The following THSD7B variants were observed in gnomAD, a reference collection of about 807,000 sequenced individuals.
THSD7B encodes the protein thrombospondin type 1 domain containing 7B.
In THSD7B, 138 loss-of-function variants were observed where a neutral mutation model predicts 213.6. That is an observed-to-expected ratio of 0.65 (90% confidence interval 0.56 to 0.74). THSD7B has a LOEUF of 0.74. Among genes scored for constraint, THSD7B ranks in the 30% least tolerant of loss-of-function variants. THSD7B has a pLI of 0.00. For synonymous variants in THSD7B, 742 were observed against 687.0 expected, an observed-to-expected ratio of 1.08 and a Z score of -1.25; for missense variants, 1,931 against 1,991.5, an observed-to-expected ratio of 0.97 and a Z score of 0.58.
intron 2 of THSD7B, among the ~76,000 whole-genome samples, chr2:136,893,781 G>A (rs756461002): frequency 2.0e-5 from 3 of 152,116 alleles, no homozygotes; most frequent in Admixed American, 2.0e-4. Flanking sequence ...TGACATATAT[G>A]CTGTAGATAT....
chr2:137,160,298 C>T lies in THSD7B; in HGVS notation c.1455C>T (p.Cys485=). The part of the protein sequence containing the change: ...QLCNIPCSTD[C]IVSSWSAWGL... Reference sequence around the variant, plus strand: ...GCAATATCCCTTGCTCTACGGACTGCATAGTATCTTCCTGGTCAGCCTGGG... The same window carrying T: ...GCAATATCCCTTGCTCTACGGACTGTATAGTATCTTCCTGGTCAGCCTGGG... Residue 485 remains cysteine (C), a synonymous_variant, in exon 6 of 28, where the codon TGC becomes TGT. Transcript: ENST00000409968. 1 of 1,613,748 alleles carries T rather than the reference C, an allele frequency of 6.2e-7. No individual in the cohort carries two copies. Among genetic ancestry groups the T allele is most frequent in the Non-Finnish European group, 8.5e-7 (1 of 1,179,740 alleles).
chr2:137,592,435 C>T (rs528054537), intron 17 of THSD7B, among the ~76,000 whole-genome samples: 1 of 150,004 alleles, frequency 6.7e-6, no homozygotes, highest in Non-Finnish European at 1.5e-5. Flanking sequence ...GAATGTGGTA[C>T]CCTTTAATTT....
chr2:137,138,086 G>A (rs1046997934), intron 5 of THSD7B, among the ~76,000 whole-genome samples: 2 of 151,934 alleles, frequency 1.3e-5, no homozygotes, highest in Non-Finnish European at 2.9e-5. Context: ...TACAGATGGG[G>A]TCCCATTATG....
intron 2 of THSD7B, among the ~76,000 whole-genome samples, chr2:136,907,471 A>G (rs1276295776): frequency 6.6e-6 from 1 of 152,192 alleles, no homozygotes; most frequent in Admixed American, 6.5e-5. Flanking sequence ...GTGAAAGTGG[A>G]TACACTTCAT....
chr2:136,855,277 C>A (rs1480668179), intron 1 of THSD7B, among the ~76,000 whole-genome samples: 1 of 152,050 alleles, frequency 6.6e-6, no homozygotes, highest in Non-Finnish European at 1.5e-5. Flanking sequence ...CAGTATACAT[C>A]AGATCATATC....
chr2:137,410,405 A>T (rs1381031084), intron 13 of THSD7B, among the ~76,000 whole-genome samples: 1 of 151,928 alleles, frequency 6.6e-6, no homozygotes, highest in Non-Finnish European at 1.5e-5. Flanking sequence ...AGTAGCTGGG[A>T]TTACAGGCAC....
At chr2:137,642,763 T>G in intron 21 of THSD7B, 130 bp downstream of exon 21, 3 of 1,100,398 alleles carry the variant, frequency 2.7e-6, no homozygotes, top group Non-Finnish European at 3.8e-6. Flanking sequence ...TTTAATGCAA[T>G]GCAGAACATG....
chr2:136,957,045 C>G (rs755431917), intron 2 of THSD7B, among the ~76,000 whole-genome samples: 1 of 152,036 alleles, frequency 6.6e-6, no homozygotes, highest in Non-Finnish European at 1.5e-5. Flanking sequence ...GTTCATTGCC[C>G]CTTCCACTGG....
intron 14 of THSD7B, among the ~76,000 whole-genome samples, chr2:137,447,789 A>AAAAG (rs944088015): frequency 1.3e-5 from 2 of 152,118 alleles, no homozygotes; most frequent in African/African-American, 4.8e-5. Flanking sequence ...GAGAGAGAAA[A>AAAAG]AAAGAAAGAA....
intron 7 of THSD7B, among the ~76,000 whole-genome samples, chr2:137,221,161 C>G (rs1002335257): frequency 4.6e-5 from 7 of 152,118 alleles, no homozygotes; most frequent in South Asian, 4.2e-4. Context: ...GTGGCGGGCA[C>G]CTGTAGTCCC....
At chr2:137,645,630 G>A (rs1683016301) in intron 21 of THSD7B, among the ~76,000 whole-genome samples, 2 of 149,296 alleles carry the variant, frequency 1.3e-5, no homozygotes, top group Admixed American at 1.3e-4. Context: ...TGCAGCATAA[G>A]TTTGTTTCCT....
intron 12 of THSD7B, among the ~76,000 whole-genome samples, chr2:137,283,095 G>C (rs1358715753): frequency 1.3e-5 from 2 of 152,148 alleles, no homozygotes; most frequent in East Asian, 3.9e-4. Flanking sequence ...TCAGTGATTT[G>C]TCATTCTCCT....
intron 12 of THSD7B, among the ~76,000 whole-genome samples, chr2:137,339,509 T>G (rs1267840240): frequency 1.1e-4 from 16 of 151,888 alleles, no homozygotes; most frequent in Non-Finnish European, 2.9e-5. Flanking sequence ...ACATCTAAAT[T>G]GAAAAATAAT....
At chr2:136,929,708 G>A (rs995367044) in intron 2 of THSD7B, among the ~76,000 whole-genome samples, 1 of 152,176 alleles carries the variant, frequency 6.6e-6, no homozygotes, top group Admixed American at 6.5e-5. Context: ...GGAGGTAGGT[G>A]CTGGTGTCCA....
chr2:137,303,880 A>G (rs936629658), intron 12 of THSD7B, among the ~76,000 whole-genome samples: 9 of 151,018 alleles, frequency 6.0e-5, no homozygotes, highest in African/African-American at 2.2e-4. Context: ...ACATAGGTAT[A>G]CACGTGCCAT....
chr2:136,945,912 T>G (rs967302291), intron 2 of THSD7B, among the ~76,000 whole-genome samples: 1 of 152,198 alleles, frequency 6.6e-6, no homozygotes, highest in Non-Finnish European at 1.5e-5. Context: ...AACATCCTCC[T>G]TTAGTTCGGG....
chr2:137,311,488 A>G (rs914086866), intron 12 of THSD7B, among the ~76,000 whole-genome samples: 2 of 151,990 alleles, frequency 1.3e-5, no homozygotes, highest in African/African-American at 4.8e-5. Context: ...CTAATTGAAT[A>G]CCCTTTATTT....
chr2:136,922,119 A>G (rs933044347), intron 2 of THSD7B, among the ~76,000 whole-genome samples: 43 of 152,128 alleles, frequency 2.8e-4, no homozygotes, highest in Non-Finnish European at 4.4e-5. Context: ...TCTCTGGTGG[A>G]TATGAGCAAA....
At chr2:137,230,789 T>G (rs1217661437) in intron 7 of THSD7B, among the ~76,000 whole-genome samples, 1 of 152,186 alleles carries the variant, frequency 6.6e-6, no homozygotes, top group East Asian at 1.9e-4. Flanking sequence ...AGGTCCATCT[T>G]TAGCCATCCG....
Sources: gnomAD v4.1 joint callset for allele counts (sites outside exome capture counted in the v4.1 genomes callset) on GRCh38, gnomAD v4.1.1 for gene constraint, MANE v1.5 for transcripts, NCBI Gene and HGNC (gene_info 2026-07-23, HGNC 2026-07-21) for gene names.